DCLK1: variants seen among roughly 807,000 people sequenced by gnomAD.
The protein encoded by DCLK1 is doublecortin like kinase 1.
In DCLK1, 16 loss-of-function variants were observed where a neutral mutation model predicts 86.2. That is an observed-to-expected ratio of 0.19 (90% CI 0.13 to 0.28). The LOEUF (loss-of-function observed/expected upper bound fraction) is 0.28, where lower values mean the gene tolerates loss of function less well. Ranked by LOEUF, DCLK1 falls within the 10% of genes least tolerant of loss-of-function variation. The probability of loss-of-function intolerance (pLI) is 1.00; values close to 1 mark genes in which losing one functional copy is unlikely to be tolerated. For synonymous variants in DCLK1, 369 were observed against 370.5 expected (o/e 1.00, Z 0.05); for missense variants, 590 against 940.2 (o/e 0.63, Z 4.87).
chr13:35,978,761 G>A (rs1333759340), intron 3 of DCLK1, among the ~76,000 whole-genome samples: 1 of 152,140 alleles, frequency 6.6e-6, no homozygotes, highest in East Asian at 1.9e-4. Flanking sequence ...AAGAGATTAC[G>A]TTAGATTTCC....
intron 11 of DCLK1, among the ~76,000 whole-genome samples, chr13:35,813,748 T>C (rs1195733641): frequency 6.7e-6 from 1 of 150,218 alleles, no homozygotes; most frequent in Non-Finnish European, 1.5e-5. Flanking sequence ...TTTTTTTTTT[T>C]TGCTTTAAAA....
rs1277924450 is a variant in DCLK1 at position 35,891,196 on chromosome 13, C to T, written c.824-19856G>A. Among the ~76,000 whole-genome samples the T allele has an allele frequency of 2.0e-5, 3 of 152,054 alleles. No individual in the cohort carries two copies. In the East Asian group the frequency reaches 5.8e-4, roughly 29 times the overall value. ...TGAAAATGACCAATAAGGCAGATGA[C>T]TTAGGTAGACTGTATAGTGAAGTCT... On this transcript the variant is annotated intron_variant, in intron 4 of 16. Transcript: ENST00000360631.
intron 3 of DCLK1, among the ~76,000 whole-genome samples, chr13:35,956,157 T>C (rs749778886): frequency 6.6e-6 from 1 of 152,144 alleles, no homozygotes; most frequent in Non-Finnish European, 1.5e-5. Context: ...CAGTAGTTTC[T>C]CTGGAGAGGA....
intron 3 of DCLK1, among the ~76,000 whole-genome samples, chr13:36,102,546 A>G (rs981162630): frequency 6.6e-6 from 1 of 152,202 alleles, no homozygotes; most frequent in Non-Finnish European, 1.5e-5. Context: ...AGCAGAAGTG[A>G]TTATCCACAG....
At chr13:35,951,650 T>G (rs1877700032) in intron 3 of DCLK1, among the ~76,000 whole-genome samples, 1 of 151,912 alleles carries the variant, frequency 6.6e-6, no homozygotes, top group Non-Finnish European at 1.5e-5. Context: ...CCCTTATCCA[T>G]CACCTCTTCT....
At chr13:36,008,330 G>C in intron 3 of DCLK1, among the ~76,000 whole-genome samples, 1 of 96,240 alleles carries the variant, frequency 1.0e-5, no homozygotes, top group African/African-American at 4.3e-5. Context: ...CCACTAACTC[G>C]TCATCTAGCA....
intron 4 of DCLK1, among the ~76,000 whole-genome samples, chr13:35,938,533 G>A (rs1876900873): frequency 6.6e-6 from 1 of 152,038 alleles, no homozygotes; most frequent in Non-Finnish European, 1.5e-5. Flanking sequence ...GGAGGCTGAG[G>A]CAGGAGAATC....
chr13:35,800,053 C>T (rs542995315), intron 15 of DCLK1, among the ~76,000 whole-genome samples: 6 of 152,216 alleles, frequency 3.9e-5, no homozygotes, highest in Non-Finnish European at 7.3e-5. Flanking sequence ...CACATATTAT[C>T]TATCTGGATC....
intron 3 of DCLK1, among the ~76,000 whole-genome samples, chr13:36,017,339 G>T (rs537296038): frequency 1.3e-5 from 2 of 152,230 alleles, no homozygotes; most frequent in African/African-American, 4.8e-5. Flanking sequence ...AGAATGTCAA[G>T]AGCAAAATGT....
intron 3 of DCLK1, among the ~76,000 whole-genome samples, chr13:36,012,227 A>T (rs1378263737): frequency 4.3e-5 from 6 of 139,584 alleles, no homozygotes; most frequent in Admixed American, 2.2e-4. Flanking sequence ...GTCCATTTAC[A>T]TTTAAAGTTA....
chr13:35,866,659 T>C (rs891690737), intron 5 of DCLK1, among the ~76,000 whole-genome samples: 1 of 151,506 alleles, frequency 6.6e-6, no homozygotes, highest in African/African-American at 2.4e-5. Flanking sequence ...CCAGCCTGCC[T>C]TGGCCTCCCA....
intron 3 of DCLK1, among the ~76,000 whole-genome samples, chr13:35,976,360 G>A (rs9575025): frequency 0.088 from 13,290 of 151,808 alleles, 880 homozygotes; most frequent in East Asian, 0.28. Flanking sequence ...GCATCTTGCC[G>A]AGGCTGGCAC....
At chr13:35,826,564 A>AGGGAGGGG (rs1301930448) in intron 10 of DCLK1, among the ~76,000 whole-genome samples, 1 of 46,038 alleles carries the variant, frequency 2.2e-5, no homozygotes, top group Non-Finnish European at 5.5e-5. Context: ...AGAAAGAAAC[A>AGGGAGGGG]AGTCCTAATT....
Position 35,839,148 on chromosome 13 carries a change from G to A in DCLK1, c.1064C>T (p.Ser355Leu). ...GCTGCAGACTTTGGTGGACGCAAGT[G>A]ACGTAGAGGAGCCGCCATGCTGAGA... ...RSSQHGGSST[S>L]LASTKVCSSM... The change falls in exon 7 of 17, where the codon TCA becomes TTA. Residue 355 changes from serine (S) to leucine (L), a missense_variant. Transcript: ENST00000360631. 2 of 1,590,906 alleles carry A rather than the reference G, an allele frequency of 1.3e-6. No individual in the cohort carries two copies. Among genetic ancestry groups the A allele is most frequent in the Non-Finnish European group, 1.7e-6 (2 of 1,168,798 alleles).
At chr13:35,868,580 G>A (rs1430668292) in intron 5 of DCLK1, among the ~76,000 whole-genome samples, 1 of 152,032 alleles carries the variant, frequency 6.6e-6, no homozygotes, top group Non-Finnish European at 1.5e-5. Flanking sequence ...TTTTAATATT[G>A]ATGATTTTTA....
At chr13:35,804,112 G>A (rs1027743978) in intron 15 of DCLK1, among the ~76,000 whole-genome samples, 2 of 152,226 alleles carry the variant, frequency 1.3e-5, no homozygotes, top group East Asian at 1.9e-4. Flanking sequence ...CATTCTATCA[G>A]TATTAACTAC....
chr13:35,820,699 T>C (rs1293150833), intron 11 of DCLK1, among the ~76,000 whole-genome samples: 1 of 152,178 alleles, frequency 6.6e-6, no homozygotes, highest in Non-Finnish European at 1.5e-5. Context: ...GAGACAATCC[T>C]ACATAATTCA....
chr13:35,931,300 TG>T (rs1876417580), intron 4 of DCLK1, among the ~76,000 whole-genome samples: 1 of 152,148 alleles, frequency 6.6e-6, no homozygotes, highest in Admixed American at 6.6e-5. Context: ...AGTTCTTAAA[TG>T]GCCAGAATTA....
chr13:36,003,851 CT>C (rs1178883455), intron 3 of DCLK1, among the ~76,000 whole-genome samples: 1 of 152,090 alleles, frequency 6.6e-6, no homozygotes, highest in Non-Finnish European at 1.5e-5. Flanking sequence ...ATTTAATTAC[CT>C]GCATTTTCTG....
Sources: allele counts gnomAD v4.1 joint callset (sites outside exome capture counted in the v4.1 genomes callset), GRCh38; gene constraint gnomAD v4.1.1; transcripts MANE v1.5; gene names NCBI Gene and HGNC (gene_info 2026-07-23, HGNC 2026-07-21).